Variants in TTC38 observed in about 807,000 individuals in gnomAD.
The protein encoded by TTC38 is tetratricopeptide repeat domain 38.
TTC38 carries 64 observed loss-of-function variants against 64.2 expected under a neutral mutation model. The observed-to-expected ratio is 1.00, with a 90% confidence interval of 0.81 to 1.23. The LOEUF (loss-of-function observed/expected upper bound fraction) is 1.23. Among genes scored for constraint, TTC38 ranks in the 50% most tolerant of loss-of-function variants. TTC38 has a pLI of 0.00. For missense variants in TTC38, 573 were observed against 615.5 expected (o/e 0.93, Z 0.73); for synonymous variants, 254 against 249.3 (o/e 1.02, Z -0.18).
rs9627372 is a variant in TTC38, at chr22:46,276,403, G to A, written c.539+982G>A. Among the ~76,000 whole-genome samples, 1,179 of 152,234 alleles carry A rather than the reference G, an allele frequency of 7.7e-3. 16 individuals are homozygous for A. The highest frequency in any genetic ancestry group is 0.026 in the African/African-American group (1,078 of 41,528). On this transcript the variant is annotated intron_variant, in intron 5 of 13. Coordinates refer to ENST00000381031, the MANE Select transcript of TTC38 (RefSeq NM_017931.4). This position sits in a 1 kb window ranked among gnomAD's most constrained non-coding sequence, Gnocchi z 4.7. The stretch of plus-strand genomic sequence containing the variant: ...AAATCGCATCTAGAAATACCTTCAC[G>A]AGACTGGGCACAGTGGCTTATGCCT...
intron 6 of TTC38, chr22:46,280,119 A>G: frequency 2.1e-6 from 1 of 471,188 alleles, no homozygotes; most frequent in South Asian, 1.5e-5. Context: ...ACTACTGGGC[A>G]GGAAAAGCAG....
rs1386217342 is a variant in TTC38, at chr22:46,276,186, G to T, written c.539+765G>T. On this transcript the variant is annotated intron_variant, in intron 5 of 13. Transcript: ENST00000381031. This position sits in a 1 kb window ranked among gnomAD's most constrained non-coding sequence, Gnocchi z 4.7. Reference sequence around the variant, plus strand: ...TTTTAAGGAATTGGCTCATGTGAGTGTGAGGGCTGGCAAGTTCAAAATCTG... The same window carrying T: ...TTTTAAGGAATTGGCTCATGTGAGTTTGAGGGCTGGCAAGTTCAAAATCTG... Among the ~76,000 whole-genome samples the T allele has an allele frequency of 6.6e-6, 1 of 152,216 alleles. No individual in the cohort carries two copies.
chr22:46,285,285 T>C lies in TTC38; in HGVS notation c.834+6T>C. 6.2e-7 allele frequency: 1 copy of C among 1,614,124 alleles called. No individual in the cohort carries two copies. The highest frequency in any genetic ancestry group is 8.5e-7 in the Non-Finnish European group (1 of 1,179,926). ...TGACCATCTACGATACCCACGTAAG[T>C]TGCATTCACACCGTGTTTGGTTTGT... On this transcript the variant is annotated splice_donor_region_variant and intron_variant, in intron 9 of 13. Coordinates refer to ENST00000381031, the MANE Select transcript of TTC38 (RefSeq NM_017931.4).
rs545261112 is a variant in TTC38, at chr22:46,282,226, A to T, written c.735+508A>T. ...AGCTTGAGCAAGGCCTCCAAGGCCT[A>T]CAGTGGCCTGTGAGGGAGAGGAGAG... On this transcript the variant is annotated intron_variant, in intron 7 of 13. Coordinates refer to ENST00000381031, the MANE Select transcript of TTC38 (RefSeq NM_017931.4). The surrounding 1 kb of genome is among the most constrained non-coding windows in gnomAD (Gnocchi z 4.4). 6.4e-6 allele frequency: 2 copies of T among 310,624 alleles called. No homozygotes were observed. The highest frequency in any genetic ancestry group is 1.8e-4 in the East Asian group (2 of 11,352). 19.2% of individuals were successfully genotyped at this position (310,624 alleles called of 1,614,324 possible). A position where few individuals can be genotyped will look rare whatever the true frequency, so the allele number is the denominator to read the frequency against.
chr22:46,291,812 C>CG lies in TTC38; in HGVS notation c.1317-976dup, dbSNP rs1228472231. On this transcript the variant is annotated intron_variant, in intron 13 of 13. Transcript: ENST00000381031. The surrounding 1 kb of genome is among the most constrained non-coding windows in gnomAD (Gnocchi z 4.6). ...TCTACTAAAAATACAAAAAATTAGC[C>CG]GGGCGTGGTGGTGGGTACCTGTAAT... 6.6e-5 allele frequency among the ~76,000 whole-genome samples: 10 copies of CG among 152,082 alleles called. No individual in the cohort carries two copies. Among genetic ancestry groups the CG allele is most frequent in the African/African-American group, 2.2e-4 (9 of 41,412 alleles).
Position 46,277,038 on chromosome 22 carries a change from TATATACATACACACAC to T in TTC38, c.540-1546_540-1531del, listed in dbSNP as rs752682989. ...AAATGACCCCAGTAAACAATACATA[TATATACATACACACAC>T]ACACACACACACACACACACACACA... On this transcript the variant is annotated intron_variant, in intron 5 of 13. Coordinates refer to ENST00000381031, the MANE Select transcript of TTC38 (RefSeq NM_017931.4). Among the ~76,000 whole-genome samples the T allele has an allele frequency of 2.5e-3, 252 of 101,544 alleles. 1 individual carries two copies. Among genetic ancestry groups the T allele is most frequent in the African/African-American group, 0.01 (239 of 23,296 alleles). 66.6% of individuals were successfully genotyped at this position (101,544 alleles called of 152,430 possible). A position where few individuals can be genotyped will look rare whatever the true frequency, so the allele number is the denominator to read the frequency against.
At chr22:46,287,933 C>T (rs563638429) in intron 10 of TTC38, among the ~76,000 whole-genome samples, 2 of 152,304 alleles carry the variant, frequency 1.3e-5, no homozygotes, top group African/African-American at 2.4e-5. Flanking sequence ...CAGCCTGCTG[C>T]GGGACAAGGG....
At position 46,289,446 on chromosome 22, in the gene TTC38, G is replaced by A. The variant is rs1471540851; in HGVS notation, c.1127G>A (p.Gly376Glu). The A allele has an allele frequency of 6.2e-7, 1 of 1,609,556 alleles. No homozygotes were observed. Among genetic ancestry groups the A allele is most frequent in the Admixed American group, 1.7e-5 (1 of 59,942 alleles). ...NCQHLLARDV[G>E]LPLCQALVEA... ...CAGCACCTCCTGGCCCGAGACGTGG[G>A]GCTGCCCCTGTGCCAGGCCCTGGTG... Residue 376 changes from glycine to glutamate, a missense_variant, in exon 12 of 14, where the codon GGG becomes GAG. This residue lies in a region of TTC38 where 371 missense variants were observed against 381.8 expected (regional missense o/e 0.97). Coordinates refer to ENST00000381031, the MANE Select transcript of TTC38 (RefSeq NM_017931.4).
At position 46,275,935 on chromosome 22, in the gene TTC38, C is replaced by T. The variant is rs1452075411; in HGVS notation, c.539+514C>T. ...CCAGAACTGATCACATGACCTCACC[C>T]ACCCACAAGAGACCAGGAAGTACAG... On this transcript the variant is annotated intron_variant, in intron 5 of 13. Transcript: ENST00000381031. This position sits in a 1 kb window ranked among gnomAD's most constrained non-coding sequence, Gnocchi z 4.5. 6.6e-6 allele frequency among the ~76,000 whole-genome samples: 1 copy of T among 152,060 alleles called. No homozygotes were observed. The highest frequency in any genetic ancestry group is 1.9e-4 in the East Asian group (1 of 5,194).
chr22:46,268,205 C>T, intron 1 of TTC38, 133 bp downstream of exon 1: 1 of 1,009,662 alleles, frequency 9.9e-7, no homozygotes, highest in Non-Finnish European at 1.4e-6. Context: ...CGGGCGCGTC[C>T]GCGGCAACGC....
intron 9 of TTC38, among the ~76,000 whole-genome samples, chr22:46,286,630 C>G (rs2077573668): frequency 6.6e-6 from 1 of 151,464 alleles, no homozygotes. Flanking sequence ...CATTTGCACT[C>G]CAGCCTGGGC....
In TTC38 at chr22:46,271,236, CTTTTTTCTT is replaced by C. The variant is rs1348840592; in HGVS notation, c.112-1085_112-1077del. 6.6e-6 allele frequency among the ~76,000 whole-genome samples: 1 copy of C among 152,042 alleles called. No homozygotes were observed. The highest frequency in any genetic ancestry group is 1.5e-5 in the Non-Finnish European group (1 of 67,992). ...GAGGAACCTGCCTTTTCTTTCTTTT[CTTTTTTCTT>C]TTTTTTCTTTTTTGAGACAGAGTCT... On this transcript the variant is annotated intron_variant, in intron 2 of 13. Transcript: ENST00000381031. The surrounding 1 kb of genome is among the most constrained non-coding windows in gnomAD (Gnocchi z 5.5).
chr22:46,281,453 G>A lies in TTC38; in HGVS notation c.616-146G>A. ...AGGCAGGAAGTGGTGCTAATTGTCA[G>A]TGTTTTGAGTCAGAGCCCCGCCCCC... On this transcript the variant is annotated intron_variant, in intron 6 of 13. Coordinates refer to ENST00000381031, the MANE Select transcript of TTC38 (RefSeq NM_017931.4). This position sits in a 1 kb window ranked among gnomAD's most constrained non-coding sequence, Gnocchi z 5.2. The A allele has an allele frequency of 1.1e-6, 1 of 876,244 alleles. No individual in the cohort carries two copies. The highest frequency in any genetic ancestry group is 1.6e-5 in the South Asian group (1 of 64,230). 54.3% of individuals were successfully genotyped at this position (876,244 alleles called of 1,614,324 possible).
intron 2 of TTC38, among the ~76,000 whole-genome samples, chr22:46,269,600 G>C (rs867299088): frequency 3.3e-5 from 5 of 152,352 alleles, no homozygotes; most frequent in Middle Eastern, 3.4e-3. Context: ...GGAGGACTCA[G>C]GTAGCTCTTA....
At position 46,271,664 on chromosome 22, in the gene TTC38, C is replaced by G. The variant is rs903251151; in HGVS notation, c.112-671C>G. Among the ~76,000 whole-genome samples, 1 of 150,718 alleles carries G rather than the reference C, an allele frequency of 6.6e-6. No homozygotes were observed. The highest frequency in any genetic ancestry group is 1.5e-5 in the Non-Finnish European group (1 of 68,038). On this transcript the variant is annotated intron_variant, in intron 2 of 13. Coordinates refer to ENST00000381031, the MANE Select transcript of TTC38 (RefSeq NM_017931.4). This position sits in a 1 kb window ranked among gnomAD's most constrained non-coding sequence, Gnocchi z 5.5. ...TTGCTAGGACTACAGACATGTGCCA[C>G]CACGCCTGACTAATTTTTGTATTAT...
intron 1 of TTC38, 26 bp downstream of exon 1, chr22:46,268,098 GT>G: frequency 6.5e-7 from 1 of 1,534,024 alleles, no homozygotes; most frequent in Non-Finnish European, 8.7e-7. Context: ...CCCCAACCAG[GT>G]CCCCCTCGGG....
At chr22:46,286,978 GCCC>G in intron 9 of TTC38, 92 bp from the exon 10 acceptor site, 1 of 945,348 alleles carries the variant, frequency 1.1e-6, no homozygotes, top group Non-Finnish European at 1.6e-6. Flanking sequence ...CTCTATGCAG[GCCC>G]CACCCCACCT....
rs991765922 is a variant in TTC38 at position 46,274,761 on chromosome 22, A to G, written c.366-487A>G. 2.0e-5 allele frequency among the ~76,000 whole-genome samples: 3 copies of G among 151,814 alleles called. No homozygotes were observed. The highest frequency in any genetic ancestry group is 7.3e-5 in the African/African-American group (3 of 41,324). On this transcript the variant is annotated intron_variant, in intron 4 of 13. Coordinates refer to ENST00000381031, the MANE Select transcript of TTC38 (RefSeq NM_017931.4). The surrounding 1 kb of genome is among the most constrained non-coding windows in gnomAD (Gnocchi z 4.8). ...TTTTTTTTTTTTTTTAAATTGAACTAAAGAGTAAAAGTTCCCACTGGGTTT... is the reference window on the plus strand; with the variant it reads ...TTTTTTTTTTTTTTTAAATTGAACTGAAGAGTAAAAGTTCCCACTGGGTTT...
rs565195832 is a variant in TTC38, at chr22:46,275,745, C to G, written c.539+324C>G. On this transcript the variant is annotated intron_variant, in intron 5 of 13. Coordinates refer to ENST00000381031, the MANE Select transcript of TTC38 (RefSeq NM_017931.4). This position sits in a 1 kb window ranked among gnomAD's most constrained non-coding sequence, Gnocchi z 4.5. Reference sequence around the variant, plus strand: ...GTGGCTACCTTAGAAGGGCTGAGGGCTCTGCCACCATGTCCTTGTCTCCAT... The same window carrying G: ...GTGGCTACCTTAGAAGGGCTGAGGGGTCTGCCACCATGTCCTTGTCTCCAT... Among the ~76,000 whole-genome samples the G allele has an allele frequency of 1.4e-3, 212 of 152,332 alleles. No homozygotes were observed. The highest frequency in any genetic ancestry group is 4.8e-3 in the African/African-American group (200 of 41,576).
Sources: gnomAD v4.1 joint callset for allele counts (sites outside exome capture counted in the v4.1 genomes callset) on GRCh38, gnomAD v4.1.1 for gene constraint, gnomAD v4.1.1 regional missense constraint, Gnocchi (gnomAD v3.1) non-coding constraint, MANE v1.5 for transcripts, NCBI Gene and HGNC (gene_info 2026-07-23, HGNC 2026-07-21) for gene names.